TRAPPC2L: variants seen among roughly 807,000 people sequenced by gnomAD.
TRAPPC2L encodes trafficking protein particle complex subunit 2-like protein.
A neutral mutation model predicts 13.2 loss-of-function variants in TRAPPC2L; 17 were observed. That is an observed-to-expected ratio of 1.29 (90% CI 0.88 to 1.93). TRAPPC2L has a LOEUF of 1.93. Among genes scored for constraint, TRAPPC2L ranks in the 30% most tolerant of loss-of-function variants. TRAPPC2L has a pLI of 0.00. For synonymous variants in TRAPPC2L, 150 were observed against 98.1 expected (o/e 1.53, Z -3.12); for missense variants, 359 against 252.1 (o/e 1.42, Z -2.87).
exon 4 of TRAPPC2L, chr16:88,860,868 G>A (rs1481623749): frequency 2.6e-6 from 4 of 1,565,622 alleles, no homozygotes; most frequent in South Asian, 1.2e-5. Context: ...GAGCAGAGGG[G>A]TGGAGGGCCT....
At chr16:88,858,783 C>G in exon 2 of TRAPPC2L, 1 of 1,612,948 alleles carries the variant, frequency 6.2e-7, no homozygotes, top group Non-Finnish European at 8.5e-7. Context: ...CCACGGAGGA[C>G]TACAAGGTGT....
exon 4 of TRAPPC2L, chr16:88,860,615 C>T (rs894776460): frequency 1.7e-5 from 10 of 589,910 alleles, no homozygotes; most frequent in Non-Finnish European, 2.7e-5. Context: ...CACAGTCTTG[C>T]CTCCTGGGCT....
intron 1 of TRAPPC2L, 139 bp from the exon 2 acceptor site, chr16:88,858,480 A>C: frequency 1.2e-6 from 1 of 837,680 alleles, no homozygotes. Context: ...ACTGCGGCAT[A>C]GAGAATGAAG....
chr16:88,860,282 G>T, exon 4 of TRAPPC2L: 1 of 701,156 alleles, frequency 1.4e-6, no homozygotes, highest in Non-Finnish European at 2.6e-6. Flanking sequence ...AAGCACATGG[G>T]CAGTGGCTTT....
At chr16:88,856,789 G>A (rs1298604798), upstream of TRAPPC2L, 4 of 1,543,674 alleles carry the variant, frequency 2.6e-6, no homozygotes, top group Non-Finnish European at 3.5e-6. Context: ...GATGTTGGGG[G>A]GCTGCGGGGC....
chr16:88,859,925 C>T (rs142026034), exon 4 of TRAPPC2L: 42 of 1,549,452 alleles, frequency 2.7e-5, no homozygotes, highest in Admixed American at 8.8e-5. Context: ...CCTACACAGA[C>T]GTGATGTGCA....
chr16:88,860,778 T>C, exon 4 of TRAPPC2L: 2 of 946,174 alleles, frequency 2.1e-6, no homozygotes, highest in Admixed American at 4.1e-5. Flanking sequence ...TCCTGGCCTC[T>C]CAGCGGAGTT....
At chr16:88,859,629 G>T (rs1190554601) in intron 2 of TRAPPC2L, 34 bp from the exon 3 acceptor site, 1 of 1,601,398 alleles carries the variant, frequency 6.2e-7, no homozygotes, top group Non-Finnish European at 8.6e-7. Context: ...GGCAGTCCCT[G>T]TGTTACGAGT....
chr16:88,859,632 T>G (rs1461668846), intron 2 of TRAPPC2L, 31 bp from the exon 3 acceptor site: 1 of 1,607,632 alleles, frequency 6.2e-7, no homozygotes, highest in Non-Finnish European at 8.5e-7. Flanking sequence ...AGTCCCTGTG[T>G]TACGAGTGCC....
In TRAPPC2L at chr16:88,860,967, G is replaced by A; in HGVS notation, c.*643G>A. On this transcript the variant is annotated 3_prime_UTR_variant, in exon 4 of 4. Transcript: ENST00000565504. ...ATGATACAGGTGTGCTGAGTGAGCT[G>A]TGCTGCCAGCCATCGCAGAGGAGCC... 3 of 1,584,242 alleles carry A rather than the reference G, an allele frequency of 1.9e-6. No individual in the cohort carries two copies. In the South Asian group the frequency reaches 3.5e-5, roughly 18 times the overall value.
At chr16:88,859,898 C>A in exon 4 of TRAPPC2L, 1 of 1,553,856 alleles carries the variant, frequency 6.4e-7, no homozygotes, top group Non-Finnish European at 8.7e-7. Context: ...TTCAGATGTT[C>A]CGGAAGCTAC....
exon 4 of TRAPPC2L, chr16:88,861,800 C>T (rs1338047865): frequency 5.2e-6 from 2 of 384,702 alleles, no homozygotes; most frequent in Non-Finnish European, 1.1e-5. Flanking sequence ...ACCTTGAGGA[C>T]CCCAGAAGCC....
In TRAPPC2L at chr16:88,860,548, C is replaced by G. The variant is rs141301282; in HGVS notation, c.*224C>G. On this transcript the variant is annotated 3_prime_UTR_variant, in exon 4 of 4. Coordinates refer to ENST00000565504, the Ensembl canonical transcript of TRAPPC2L. ...GATCCAAGGCAGGCCCCTCCCTCCA[C>G]CAGGACACTGTCTTGGGGCCATCCT... 8.6e-4 allele frequency: 508 copies of G among 592,796 alleles called. 3 individuals are homozygous for G. Among genetic ancestry groups the G allele is most frequent in the African/African-American group, 7.8e-3 (418 of 53,856 alleles). The allele number at this position is 592,796 out of a possible 1,614,324, so 36.7% of individuals were successfully genotyped here.
In TRAPPC2L at chr16:88,858,792, G is replaced by C. The variant is rs113488860; in HGVS notation, c.206+1G>C. 1.9e-5 allele frequency: 31 copies of C among 1,612,190 alleles called. No homozygotes were observed. Among genetic ancestry groups the C allele is most frequent in the Non-Finnish European group, 2.5e-5 (30 of 1,179,334 alleles). On this transcript the variant is annotated splice_donor_variant, in intron 2 of 3. Transcript: ENST00000565504. LOFTEE classifies it high-confidence loss of function. ...TCTACCCCACGGAGGACTACAAGGT[G>C]TATCTTTCAGGGCAGGGTGTGTGTC... is the stretch of plus-strand genomic sequence containing the variant.
upstream of TRAPPC2L, chr16:88,856,735 C>T (rs1967931901): frequency 1.4e-6 from 2 of 1,461,738 alleles, no homozygotes; most frequent in Non-Finnish European, 1.8e-6. Flanking sequence ...CCGGCCCTGC[C>T]CCGTCCCACC....
At chr16:88,860,323 G>A (rs1401377005) in exon 4 of TRAPPC2L, 3 of 688,836 alleles carry the variant, frequency 4.4e-6, no homozygotes, top group South Asian at 1.5e-5. Flanking sequence ...GTAGCTACCT[G>A]ATCTTTTATG....
chr16:88,861,463 C>G (rs1968384188), exon 4 of TRAPPC2L: 1 of 351,370 alleles, frequency 2.8e-6, no homozygotes, highest in South Asian at 2.1e-5. Context: ...GCATCTGGCT[C>G]AATGTCTGGA....
chr16:88,856,322 G>A (rs1361817908), upstream of TRAPPC2L: 5 of 702,696 alleles, frequency 7.1e-6, no homozygotes, highest in East Asian at 2.7e-5. Flanking sequence ...GCAGCTCTCA[G>A]GCAGGGCGGC....
chr16:88,857,585 G>A, intron 1 of TRAPPC2L: 1 of 231,184 alleles, frequency 4.3e-6, no homozygotes, highest in Non-Finnish European at 8.5e-6. Flanking sequence ...AAACAAATCG[G>A]ATCCTGTCAC....
Sources: gnomAD v4.1 joint callset for allele counts on GRCh38, gnomAD v4.1.1 for gene constraint, MANE v1.5 for transcripts, NCBI Gene and HGNC (gene_info 2026-07-23, HGNC 2026-07-21) for gene names.